The following C10orf67 variants were observed in gnomAD, a reference collection of about 807,000 sequenced individuals.
C10orf67 encodes uncharacterized protein C10orf67, mitochondrial.
In C10orf67, 60 loss-of-function variants were observed where a neutral mutation model predicts 35.6. That is an observed-to-expected ratio of 1.68 (90% CI 1.37 to 2.09). The LOEUF (loss-of-function observed/expected upper bound fraction) is 2.09. Ranked by LOEUF, C10orf67 falls within the 30% of genes most tolerant of loss-of-function variation. C10orf67 has a pLI of 0.00. For synonymous variants in C10orf67, 167 were observed against 115.8 expected, an observed-to-expected ratio of 1.44 and a Z score of -2.84; for missense variants, 474 against 330.2, an observed-to-expected ratio of 1.44 and a Z score of -3.38.
At chr10:23,303,480 C>A in intron 4 of C10orf67, 21 bp from the exon 5 acceptor site, 1 of 497,228 alleles carries the variant, frequency 2.0e-6, no homozygotes, top group South Asian at 3.9e-5. Context: ...AAAAAAGCAG[C>A]ATTAAAAATT....
chr10:23,220,453 C>T (rs555956662), intron 15 of C10orf67, among the ~76,000 whole-genome samples: 1 of 152,266 alleles, frequency 6.6e-6, no homozygotes, highest in Non-Finnish European at 1.5e-5. Flanking sequence ...AAGTAGTCAC[C>T]TGAGCTTGAA....
chr10:23,227,873 A>G (rs538310161), intron 13 of C10orf67, among the ~76,000 whole-genome samples: 611 of 152,276 alleles, frequency 4.0e-3, no homozygotes, highest in African/African-American at 0.014. Context: ...TAGGAATCCA[A>G]CTTACAAGGG....
intron 12 of C10orf67, among the ~76,000 whole-genome samples, chr10:23,248,442 C>T (rs541284496): frequency 3.9e-5 from 6 of 152,114 alleles, no homozygotes; most frequent in Non-Finnish European, 7.4e-5. Context: ...AATAAGAACT[C>T]GGCAGAGATG....
At chr10:23,311,039 T>C (rs931033981) in intron 4 of C10orf67, among the ~76,000 whole-genome samples, 1 of 152,106 alleles carries the variant, frequency 6.6e-6, no homozygotes, top group Non-Finnish European at 1.5e-5. Context: ...TGATCGTTGC[T>C]CACTGCAGCT....
chr10:23,271,001 C>T (rs546722160), intron 8 of C10orf67, among the ~76,000 whole-genome samples: 124 of 152,280 alleles, frequency 8.1e-4, no homozygotes, highest in African/African-American at 3.0e-3. Flanking sequence ...AGTCAAGACC[C>T]ATCAGTATGC....
At chr10:23,255,414 G>A (rs1409963919) in intron 10 of C10orf67, among the ~76,000 whole-genome samples, 1 of 152,182 alleles carries the variant, frequency 6.6e-6, no homozygotes, top group Non-Finnish European at 1.5e-5. Flanking sequence ...TAGAATGACT[G>A]GGCTGTGAAG....
Position 23,256,500 on chromosome 10 carries a change from G to C in C10orf67, c.1201-5809C>G, listed in dbSNP as rs141990272. Among the ~76,000 whole-genome samples, 1,433 of 152,258 alleles carry C rather than the reference G, an allele frequency of 9.4e-3. 25 individuals are homozygous for C. Among genetic ancestry groups the C allele is most frequent in the South Asian group, 0.036 (174 of 4,826 alleles). The stretch of plus-strand genomic sequence containing the variant: ...AACAATGCCCTCAGAGGAGAGATGA[G>C]AGCCATGAACAGTTCATAGGTCTCG... On this transcript the variant is annotated intron_variant, in intron 10 of 15. Coordinates refer to ENST00000636213, the MANE Select transcript of C10orf67 (RefSeq NM_001371909.1).
chr10:23,235,888 G>T (rs1360814857), intron 13 of C10orf67, among the ~76,000 whole-genome samples: 1 of 152,084 alleles, frequency 6.6e-6, no homozygotes, highest in Non-Finnish European at 1.5e-5. Context: ...AGGCCAAGGT[G>T]GGTGGATCAC....
At chr10:23,269,634 C>T (rs1408271191) in intron 8 of C10orf67, among the ~76,000 whole-genome samples, 1 of 151,936 alleles carries the variant, frequency 6.6e-6, no homozygotes, top group East Asian at 1.9e-4. Context: ...CAACTATTTA[C>T]TGTCTACAAG....
At chr10:23,279,309 G>A (rs1843294582) in intron 8 of C10orf67, among the ~76,000 whole-genome samples, 1 of 152,228 alleles carries the variant, frequency 6.6e-6, no homozygotes, top group African/African-American at 2.4e-5. Context: ...TTGATGAAGA[G>A]CCACTATTCA....
intron 7 of C10orf67, among the ~76,000 whole-genome samples, chr10:23,287,978 G>C (rs1295614168): frequency 2.6e-5 from 4 of 152,154 alleles, no homozygotes; most frequent in African/African-American, 9.7e-5. Context: ...AATAGATGCT[G>C]GTGAGGCTGC....
chr10:23,240,589 C>G (rs1159771879), intron 12 of C10orf67, among the ~76,000 whole-genome samples: 1 of 152,192 alleles, frequency 6.6e-6, no homozygotes, highest in African/African-American at 2.4e-5. Flanking sequence ...ATCTTGATTG[C>G]AAGCGATGCG....
chr10:23,210,106 A>T (rs537987412), intron 15 of C10orf67, among the ~76,000 whole-genome samples: 2 of 152,114 alleles, frequency 1.3e-5, no homozygotes, highest in East Asian at 3.9e-4. Flanking sequence ...TGCCATTTGT[A>T]AGATTCTGGT....
chr10:23,283,313 A>G (rs913813404), intron 7 of C10orf67, among the ~76,000 whole-genome samples: 3 of 152,180 alleles, frequency 2.0e-5, no homozygotes, highest in Admixed American at 2.0e-4. Context: ...TGTGTGTGTT[A>G]TAGGCTAGTA....
chr10:23,225,994 A>G (rs1402803766), intron 13 of C10orf67, among the ~76,000 whole-genome samples: 1 of 152,124 alleles, frequency 6.6e-6, no homozygotes, highest in Non-Finnish European at 1.5e-5. Context: ...ATAATGGGAG[A>G]CTTTAACACC....
chr10:23,327,323 T>G (rs1238131286), intron 2 of C10orf67, among the ~76,000 whole-genome samples: 4 of 152,124 alleles, frequency 2.6e-5, no homozygotes, highest in Non-Finnish European at 4.4e-5. Context: ...TTAGGTTGGA[T>G]TTTTCAAAAC....
intron 2 of C10orf67, among the ~76,000 whole-genome samples, chr10:23,329,287 T>C (rs1219885782): frequency 1.3e-5 from 2 of 151,630 alleles, no homozygotes; most frequent in Non-Finnish European, 2.9e-5. Flanking sequence ...TTAAAAATAA[T>C]AAAAGACAAT....
At chr10:23,305,760 T>G (rs1844252585) in intron 4 of C10orf67, among the ~76,000 whole-genome samples, 1 of 152,140 alleles carries the variant, frequency 6.6e-6, no homozygotes, top group African/African-American at 2.4e-5. Context: ...TTATGGAAAA[T>G]AGTATGGAGG....
chr10:23,207,871 T>C (rs1413937837), intron 15 of C10orf67, among the ~76,000 whole-genome samples: 2 of 152,208 alleles, frequency 1.3e-5, no homozygotes, highest in African/African-American at 4.8e-5. Flanking sequence ...AGCTTTGGTA[T>C]GTGTACAACA....
Sources: allele counts gnomAD v4.1 joint callset (sites outside exome capture counted in the v4.1 genomes callset), GRCh38; gene constraint gnomAD v4.1.1; transcripts MANE v1.5; gene names NCBI Gene and HGNC (gene_info 2026-07-23, HGNC 2026-07-21).